The following USP34 variants were observed in gnomAD, a reference collection of about 807,000 sequenced individuals.
USP34 encodes the protein ubiquitin carboxyl-terminal hydrolase 34.
Under a neutral mutation model 460.3 loss-of-function variants are expected in USP34, and 70 were observed. The observed-to-expected ratio is 0.15, with a 90% CI of 0.13 to 0.19. USP34 has a LOEUF of 0.19. USP34 is among the 10% of genes least tolerant of loss of function. The pLI is 1.00. For synonymous variants in USP34, 1,647 were observed against 1,405.3 expected (o/e 1.17, Z -3.85); for missense variants, 3,985 against 4,236.2 (o/e 0.94, Z 1.65).
intron 33 of USP34, 28 bp from the exon 34 acceptor site, chr2:61,288,905 C>G (rs751554461): frequency 6.2e-7 from 1 of 1,602,840 alleles, no homozygotes; most frequent in Admixed American, 1.7e-5. Flanking sequence ...TAGTCAATTC[C>G]CTATTTTCAT....
chr2:61,271,898 G>T, intron 41 of USP34, among the ~76,000 whole-genome samples: 1 of 152,144 alleles, frequency 6.6e-6, no homozygotes, highest in South Asian at 2.1e-4. Flanking sequence ...GAGTGGAAGA[G>T]ATTTTAAATA....
intron 5 of USP34, among the ~76,000 whole-genome samples, chr2:61,387,547 AATATAT>A (rs200529428): frequency 2.0e-5 from 3 of 147,360 alleles, no homozygotes; most frequent in African/African-American, 7.4e-5. Context: ...ACATATATAA[AATATAT>A]ATATTTATAT....
At chr2:61,357,845 A>T (rs113385413) in intron 10 of USP34, among the ~76,000 whole-genome samples, 39 of 152,090 alleles carry the variant, frequency 2.6e-4, no homozygotes, top group African/African-American at 8.9e-4. Flanking sequence ...TAAGATTACA[A>T]CACTGCATAC....
chr2:61,447,818 C>A (rs1695162837), intron 1 of USP34, among the ~76,000 whole-genome samples: 3 of 152,118 alleles, frequency 2.0e-5, no homozygotes, highest in Admixed American at 1.3e-4. Flanking sequence ...TGGGATCAAG[C>A]CATTCTCCTG....
chr2:61,333,844 A>C (rs766463237), intron 19 of USP34, 38 bp downstream of exon 19: 2 of 1,367,774 alleles, frequency 1.5e-6, no homozygotes, highest in East Asian at 5.3e-5. Context: ...TTAGAAAAAA[A>C]TCTTTAAAAT....
At chr2:61,344,507 A>G (rs1319058563) in intron 15 of USP34, among the ~76,000 whole-genome samples, 1 of 152,226 alleles carries the variant, frequency 6.6e-6, no homozygotes, top group African/African-American at 2.4e-5. Flanking sequence ...GTTACCGGAC[A>G]TAAAGACAAA....
chr2:61,257,733 C>G (rs1013602875), intron 44 of USP34, among the ~76,000 whole-genome samples: 4 of 151,914 alleles, frequency 2.6e-5, no homozygotes, highest in Non-Finnish European at 5.9e-5. Flanking sequence ...ATGGTAAAAC[C>G]CCATCTCTGC....
Position 61,293,515 on chromosome 2 carries a change from T to G in USP34, c.4497A>C (p.Glu1499Asp), listed in dbSNP as rs758231805. The G allele has an allele frequency of 1.1e-5, 17 of 1,612,818 alleles. 1 individual carries two copies. In the South Asian group the frequency reaches 1.9e-4, roughly 18 times the overall value. Residue 1499 changes from glutamate to aspartate, a missense_variant, in exon 33 of 80, where the codon GAA (glutamate) becomes GAC (aspartate). Glu to Asp is a conservative substitution (Grantham distance 45). Coordinates refer to ENST00000398571, the MANE Select transcript of USP34 (RefSeq NM_014709.4). ...VAAGGLQQLL[E>D]IFNSGILEPK... ...GCTCTAGAATTCCAGAATTAAAAAT[T>G]TCTAATAACTGTTGAAGCCCTCCAG... is the stretch of plus-strand genomic sequence containing the variant.
At chr2:61,189,188 G>T in intron 78 of USP34, 119 bp from the exon 79 acceptor site, 1 of 1,029,448 alleles carries the variant, frequency 9.7e-7, no homozygotes, top group Non-Finnish European at 1.4e-6. Flanking sequence ...AGAATACCCT[G>T]GTTTCTCTGG....
chr2:61,433,024 G>T (rs1194384133), intron 1 of USP34, among the ~76,000 whole-genome samples: 1 of 152,162 alleles, frequency 6.6e-6, no homozygotes, highest in South Asian at 2.1e-4. Context: ...ATTAAAAAAA[G>T]AATCAGGGAG....
chr2:61,325,721 A>C (rs1267066865), intron 20 of USP34, among the ~76,000 whole-genome samples: 1 of 152,168 alleles, frequency 6.6e-6, no homozygotes, highest in Non-Finnish European at 1.5e-5. Flanking sequence ...TCAACAGTGA[A>C]GCAGAGGAAG....
At chr2:61,407,522 T>C (rs1693912699) in intron 2 of USP34, among the ~76,000 whole-genome samples, 1 of 152,220 alleles carries the variant, frequency 6.6e-6, no homozygotes, top group African/African-American at 2.4e-5. Context: ...GTAGTCCAAA[T>C]AGATCACCAA....
intron 58 of USP34, 99 bp from the exon 59 acceptor site, chr2:61,229,732 T>G: frequency 9.9e-7 from 1 of 1,014,450 alleles, no homozygotes; most frequent in Non-Finnish European, 1.5e-6. Flanking sequence ...CCATTTATAG[T>G]TTGCACAAGA....
intron 75 of USP34, chr2:61,200,459 T>A (rs1182826018): frequency 6.6e-6 from 1 of 152,288 alleles, no homozygotes; most frequent in East Asian, 1.9e-4. Context: ...ACTCTACTGT[T>A]CTCTGCAATT....
At chr2:61,444,721 C>G (rs1466011208) in intron 1 of USP34, among the ~76,000 whole-genome samples, 4 of 152,030 alleles carry the variant, frequency 2.6e-5, no homozygotes, top group Non-Finnish European at 4.4e-5. Context: ...AATGACATGC[C>G]TAGTCAAACA....
intron 21 of USP34, among the ~76,000 whole-genome samples, chr2:61,320,162 T>C (rs1690871990): frequency 6.6e-6 from 1 of 152,236 alleles, no homozygotes; most frequent in African/African-American, 2.4e-5. Flanking sequence ...AGCTTACAAA[T>C]TTCTATGTTA....
intron 20 of USP34, among the ~76,000 whole-genome samples, chr2:61,326,079 C>A (rs74699800): frequency 1.3e-5 from 2 of 152,222 alleles, no homozygotes; most frequent in South Asian, 4.1e-4. Flanking sequence ...AAGAGACAGA[C>A]TGTGGTCGGC....
chr2:61,446,880 C>T (rs1695134993), intron 1 of USP34, among the ~76,000 whole-genome samples: 1 of 151,906 alleles, frequency 6.6e-6, no homozygotes, highest in South Asian at 2.1e-4. Context: ...ACATAATATA[C>T]TGGTGATCTG....
At chr2:61,455,766 A>C (rs892927323) in intron 1 of USP34, among the ~76,000 whole-genome samples, 1 of 152,234 alleles carries the variant, frequency 6.6e-6, no homozygotes, top group Non-Finnish European at 1.5e-5. Context: ...GTTGTTTTGC[A>C]TATTTCTTAT....
Sources: allele counts gnomAD v4.1 joint callset (sites outside exome capture counted in the v4.1 genomes callset), GRCh38; gene constraint gnomAD v4.1.1; transcripts MANE v1.5; gene names NCBI Gene and HGNC (gene_info 2026-07-23, HGNC 2026-07-21).